The following AGAP1 variants were observed in gnomAD, a reference collection of about 807,000 sequenced individuals.
AGAP1 encodes arf-GAP with GTPase, ANK repeat and PH domain-containing protein 1.
AGAP1 carries 29 observed loss-of-function variants against 105.3 expected under a neutral mutation model. The observed-to-expected ratio is 0.28, with a 90% CI of 0.21 to 0.38. The LOEUF (loss-of-function observed/expected upper bound fraction) is 0.38, where lower values mean the gene tolerates loss of function less well. Ranked by LOEUF, AGAP1 falls within the 10% of genes least tolerant of loss-of-function variation. The pLI, the probability that AGAP1 is intolerant of heterozygous loss-of-function variation, is 1.00. For missense variants in AGAP1, 998 were observed against 1,165.1 expected, an observed-to-expected ratio of 0.86 and a Z score of 2.09; for synonymous variants, 509 against 485.9, an observed-to-expected ratio of 1.05 and a Z score of -0.63.
chr2:235,914,978 C>A (rs1305296197), intron 11 of AGAP1, among the ~76,000 whole-genome samples: 1 of 152,120 alleles, frequency 6.6e-6, no homozygotes, highest in Non-Finnish European at 1.5e-5. Context: ...CTCAAACATC[C>A]TCAGTCTCAG....
At position 235,691,300 on chromosome 2, in the gene AGAP1, C is replaced by T. The variant is rs1949724651; in HGVS notation, c.164-17879C>T. Among the ~76,000 whole-genome samples, 1 of 152,202 alleles carries T rather than the reference C, an allele frequency of 6.6e-6. No individual in the cohort carries two copies. The highest frequency in any genetic ancestry group is 2.4e-5 in the African/African-American group (1 of 41,440). On this transcript the variant is annotated intron_variant, in intron 1 of 17. Coordinates refer to ENST00000304032, the MANE Select transcript of AGAP1 (RefSeq NM_001037131.3). The surrounding 1 kb of genome is among the most constrained non-coding windows in gnomAD (Gnocchi z 4.4). ...TATCCAGGGAAAGGTCACTCTCTGG[C>T]AGTGGATGCTACCCTGTTGGTGGCA...
Position 235,744,024 on chromosome 2 carries a change from CAA to C in AGAP1, c.397-673_397-672del, listed in dbSNP as rs952395320. ...TGTGATGTAGGTTCAACTGGCAAGA[CAA>C]GAATAAAATGAATACGGCAAAGCAA... On this transcript the variant is annotated intron_variant, in intron 4 of 17. Coordinates refer to ENST00000304032, the MANE Select transcript of AGAP1 (RefSeq NM_001037131.3). The surrounding 1 kb of genome is among the most constrained non-coding windows in gnomAD (Gnocchi z 5.2). Among the ~76,000 whole-genome samples, 2 of 152,108 alleles carry C rather than the reference CAA, an allele frequency of 1.3e-5. No homozygotes were observed. The highest frequency in any genetic ancestry group is 2.9e-5 in the Non-Finnish European group (2 of 68,018).
Position 236,094,898 on chromosome 2 carries a change from A to G in AGAP1, c.2115-25294A>G, listed in dbSNP as rs1033119355. The stretch of plus-strand genomic sequence containing the variant: ...CCAGGAGTTCGAGACCAGCCTAGGC[A>G]TCACAGCAAGAGACCCCATCTCTAC... On this transcript the variant is annotated intron_variant, in intron 16 of 17. Transcript: ENST00000304032. Among the ~76,000 whole-genome samples, 78 of 143,904 alleles carry G rather than the reference A, an allele frequency of 5.4e-4. 1 individual carries two copies. The highest frequency in any genetic ancestry group is 2.1e-3 in the African/African-American group (78 of 37,892). 94.4% of individuals were successfully genotyped at this position (143,904 alleles called of 152,430 possible).
rs753970882 is a variant in AGAP1 at position 235,799,364 on chromosome 2, C to T, written c.802-3C>T. On this transcript the variant is annotated splice_polypyrimidine_tract_variant and splice_region_variant and intron_variant, in intron 7 of 17. Transcript: ENST00000304032. The surrounding 1 kb of genome is among the most constrained non-coding windows in gnomAD (Gnocchi z 5.0). ...ATGAAACCTTGGATTTTAATCATTT[C>T]AGACAAGTAATGGAGGTGGGAGTTT... 4.3e-6 allele frequency: 7 copies of T among 1,613,556 alleles called. No homozygotes were observed. The highest frequency in any genetic ancestry group is 4.0e-5 in the African/African-American group (3 of 74,900).
chr2:235,812,031 G>A (rs538041448), intron 9 of AGAP1, among the ~76,000 whole-genome samples: 3 of 152,242 alleles, frequency 2.0e-5, no homozygotes, highest in Non-Finnish European at 2.9e-5. Context: ...ACTCTGGTCC[G>A]TCCTCTGCGA....
At chr2:235,786,920 C>G (rs547028060) in intron 6 of AGAP1, among the ~76,000 whole-genome samples, 1 of 152,246 alleles carries the variant, frequency 6.6e-6, no homozygotes, top group Non-Finnish European at 1.5e-5. Context: ...CTCTCTTCCC[C>G]GCTTGTTCTG....
At chr2:236,052,846 A>G (rs1281516437) in intron 16 of AGAP1, among the ~76,000 whole-genome samples, 1 of 152,156 alleles carries the variant, frequency 6.6e-6, no homozygotes, top group East Asian at 1.9e-4. Flanking sequence ...ACAATTAACT[A>G]CATCTGGGGT....
At chr2:235,846,963 C>G (rs938383934) in intron 9 of AGAP1, among the ~76,000 whole-genome samples, 1 of 152,178 alleles carries the variant, frequency 6.6e-6, no homozygotes, top group African/African-American at 2.4e-5. Context: ...TGTGGCCTCC[C>G]CCTCTTCCCC....
intron 1 of AGAP1, among the ~76,000 whole-genome samples, chr2:235,658,572 C>T (rs1328397828): frequency 8.6e-5 from 13 of 151,992 alleles, no homozygotes; most frequent in Admixed American, 6.6e-4. Context: ...GCTGGGGGCA[C>T]GTGCCCAGCA....
At chr2:235,950,800 A>G (rs1330828384) in intron 12 of AGAP1, among the ~76,000 whole-genome samples, 1 of 150,840 alleles carries the variant, frequency 6.6e-6, no homozygotes, top group East Asian at 2.0e-4. Flanking sequence ...CAACCACAGT[A>G]TGTGACTGAA....
chr2:235,759,460 C>A (rs551389070), intron 6 of AGAP1, among the ~76,000 whole-genome samples: 11 of 152,018 alleles, frequency 7.2e-5, no homozygotes, highest in Admixed American at 5.2e-4. Flanking sequence ...TGAGCCACCG[C>A]GCCCGGCCCT....
chr2:235,851,166 G>A (rs1047002648), intron 9 of AGAP1, among the ~76,000 whole-genome samples: 1 of 152,252 alleles, frequency 6.6e-6, no homozygotes, highest in African/African-American at 2.4e-5. Flanking sequence ...GGACCTCTGA[G>A]CTCACAGCCT....
rs1311851073 is a variant in AGAP1, at chr2:235,747,570, A to T, written c.538+2731A>T. 6.6e-6 allele frequency among the ~76,000 whole-genome samples: 1 copy of T among 152,200 alleles called. No individual in the cohort carries two copies. Among genetic ancestry groups the T allele is most frequent in the Non-Finnish European group, 1.5e-5 (1 of 68,040 alleles). On this transcript the variant is annotated intron_variant, in intron 5 of 17. Transcript: ENST00000304032. This position sits in a 1 kb window ranked among gnomAD's most constrained non-coding sequence, Gnocchi z 5.0. ...TGAACCAGAACGAAAAGTTGCAATCAGGGCTGTATTCCTCACCTGCGGGAT... is the reference window on the plus strand; with the variant it reads ...TGAACCAGAACGAAAAGTTGCAATCTGGGCTGTATTCCTCACCTGCGGGAT...
chr2:236,062,484 A>G lies in AGAP1; in HGVS notation c.2114+13203A>G, dbSNP rs11291129. On this transcript the variant is annotated intron_variant, in intron 16 of 17. Transcript: ENST00000304032. The surrounding 1 kb of genome is among the most constrained non-coding windows in gnomAD (Gnocchi z 4.2). The stretch of plus-strand genomic sequence containing the variant: ...TGTTACTTTTCATTTATTTTCATGT[A>G]TTTTTTTTAGAAACAGAATCTCACT... Among the ~76,000 whole-genome samples the G allele has an allele frequency of 7.4e-4, 23 of 30,902 alleles. No homozygotes were observed. Among genetic ancestry groups the G allele is most frequent in the Admixed American group, 4.7e-3 (16 of 3,406 alleles). The allele number at this position is 30,902 out of a possible 152,430, so 20.3% of individuals were successfully genotyped here.
chr2:235,606,287 C>T (rs182550143), intron 1 of AGAP1, among the ~76,000 whole-genome samples: 59 of 152,278 alleles, frequency 3.9e-4, no homozygotes, highest in African/African-American at 1.3e-3. Context: ...CTTCTGTTCT[C>T]CACAACAGCA....
At chr2:235,825,162 C>T (rs1488887041) in intron 9 of AGAP1, among the ~76,000 whole-genome samples, 1 of 152,240 alleles carries the variant, frequency 6.6e-6, no homozygotes, top group East Asian at 1.9e-4. Flanking sequence ...TCAGAGGGAG[C>T]CTCCCAGGCT....
rs1559257230 is a variant in AGAP1 at position 235,571,963 on chromosome 2, CATATATAT to C, written c.163+77115_163+77122del. ...GTGTGTGTGTGTGTGTGTGTGTATA[CATATATAT>C]GTATACACACACACACACACACACA... On this transcript the variant is annotated intron_variant, in intron 1 of 17. Transcript: ENST00000304032. Among the ~76,000 whole-genome samples the C allele has an allele frequency of 2.9e-3, 108 of 37,264 alleles. 1 individual carries two copies. The highest frequency in any genetic ancestry group is 0.016 in the African/African-American group (103 of 6,454). The allele number at this position is 37,264 out of a possible 152,430, so 24.4% of individuals were successfully genotyped here.
chr2:235,802,998 G>GTGGTGATGGCTGATGGTTGTGATGGTGA (rs1957615470), intron 8 of AGAP1, among the ~76,000 whole-genome samples: 1 of 17,114 alleles, frequency 5.8e-5, no homozygotes, highest in African/African-American at 2.3e-4. Context: ...TGTGATGGTG[G>GTGGTGATGGCTGATGGTTGTGATGGTGA]TGATGGTTGT....
intron 7 of AGAP1, among the ~76,000 whole-genome samples, chr2:235,798,494 G>T (rs1957344401): frequency 6.6e-6 from 1 of 152,132 alleles, no homozygotes. Flanking sequence ...TAAGGACATG[G>T]TGGAAGGGTT....
Sources: gnomAD v4.1 joint callset for allele counts (sites outside exome capture counted in the v4.1 genomes callset) on GRCh38, gnomAD v4.1.1 for gene constraint, Gnocchi (gnomAD v3.1) non-coding constraint, MANE v1.5 for transcripts, NCBI Gene and HGNC (gene_info 2026-07-23, HGNC 2026-07-21) for gene names.